The following KCNIP3 variants were observed in gnomAD, a reference collection of about 807,000 sequenced individuals.
KCNIP3 encodes calsenilin.
In KCNIP3, 28 loss-of-function variants were observed where a neutral mutation model predicts 35.0. The ratio of observed to expected loss-of-function variants is 0.80; its 90% CI spans 0.59 to 1.10. KCNIP3 has a LOEUF of 1.10. KCNIP3 is among the 50% of genes least tolerant of loss of function. The pLI, the probability that KCNIP3 is intolerant of heterozygous loss-of-function variation, is 0.00. For synonymous variants in KCNIP3, 134 were observed against 133.8 expected (o/e 1.00, Z -0.01); for missense variants, 295 against 338.4 (o/e 0.87, Z 1.01).
chr2:95,367,792 G>A (rs1210803374), intron 2 of KCNIP3, among the ~76,000 whole-genome samples: 3 of 135,782 alleles, frequency 2.2e-5, no homozygotes, highest in African/African-American at 2.8e-5. Context: ...ATGGAGTCTC[G>A]CTCTTGTTTC....
rs1680492164 is a variant in KCNIP3 at position 95,385,926 on chromosome 2, G to A, written c.*1877G>A. 1 of 152,534 alleles carries A rather than the reference G, an allele frequency of 6.6e-6. No individual in the cohort carries two copies. Among genetic ancestry groups the A allele is most frequent in the Non-Finnish European group, 1.5e-5 (1 of 68,124 alleles). 9.4% of individuals were successfully genotyped at this position (152,534 alleles called of 1,614,324 possible). On this transcript the variant is annotated 3_prime_UTR_variant, in exon 9 of 9. Coordinates refer to ENST00000295225, the MANE Select transcript of KCNIP3 (RefSeq NM_013434.5). ...GACTGGCTGCACAGCCCAACCAGGA[G>A]GGGTCTGCCTCCCACGCTGGGACAC...
At chr2:95,325,812 TAC>T (rs1301793559) in intron 2 of KCNIP3, among the ~76,000 whole-genome samples, 7 of 140,380 alleles carry the variant, frequency 5.0e-5, no homozygotes, top group Non-Finnish European at 6.2e-5. Flanking sequence ...CATACACTCA[TAC>T]ACACATACAC....
intron 2 of KCNIP3, among the ~76,000 whole-genome samples, chr2:95,342,089 G>C (rs931955801): frequency 6.6e-6 from 1 of 152,182 alleles, no homozygotes; most frequent in Non-Finnish European, 1.5e-5. Context: ...GTTCACGGAA[G>C]AGCATGTGCG....
intron 2 of KCNIP3, among the ~76,000 whole-genome samples, chr2:95,321,533 T>C (rs554454641): frequency 1.3e-5 from 2 of 152,294 alleles, no homozygotes; most frequent in South Asian, 4.1e-4. Flanking sequence ...TGGCTTGAAT[T>C]GACACAGCGT....
chr2:95,383,381 C>T, intron 8 of KCNIP3, 87 bp downstream of exon 8: 1 of 1,292,884 alleles, frequency 7.7e-7, no homozygotes, highest in Non-Finnish European at 1.1e-6. Context: ...TTCCCTCACC[C>T]CAGTCCCACC....
chr2:95,307,233 C>G (rs889315136), intron 1 of KCNIP3, among the ~76,000 whole-genome samples: 1 of 152,220 alleles, frequency 6.6e-6, no homozygotes, highest in African/African-American at 2.4e-5. Context: ...AAAAGACACA[C>G]TGGGGCCCCC....
At chr2:95,340,708 T>A (rs1679177040) in intron 2 of KCNIP3, among the ~76,000 whole-genome samples, 1 of 152,182 alleles carries the variant, frequency 6.6e-6, no homozygotes, top group African/African-American at 2.4e-5. Context: ...TTGGACAGTA[T>A]CATGTCAGAA....
At chr2:95,319,920 C>A (rs1447575529) in intron 2 of KCNIP3, among the ~76,000 whole-genome samples, 4 of 152,174 alleles carry the variant, frequency 2.6e-5, no homozygotes, top group Non-Finnish European at 5.9e-5. Flanking sequence ...CCGTTGAGCC[C>A]CATCTCAGAA....
At chr2:95,364,463 TG>T (rs1679872085) in intron 2 of KCNIP3, among the ~76,000 whole-genome samples, 1 of 152,116 alleles carries the variant, frequency 6.6e-6, no homozygotes, top group South Asian at 2.1e-4. Context: ...TTTTCTGATA[TG>T]GTTTGGATGT....
intron 2 of KCNIP3, among the ~76,000 whole-genome samples, chr2:95,363,900 G>T (rs1397027852): frequency 1.3e-5 from 2 of 152,106 alleles, no homozygotes; most frequent in Non-Finnish European, 2.9e-5. Flanking sequence ...CTTATATCTG[G>T]CAACCTTACT....
intron 2 of KCNIP3, among the ~76,000 whole-genome samples, chr2:95,345,840 AC>A (rs2104263952): frequency 6.6e-6 from 1 of 152,226 alleles, no homozygotes; most frequent in South Asian, 2.1e-4. Flanking sequence ...CCTCTACCAG[AC>A]CCGGCAGGAA....
chr2:95,375,881 T>A (rs1434082028), intron 5 of KCNIP3, among the ~76,000 whole-genome samples: 1 of 152,230 alleles, frequency 6.6e-6, no homozygotes, highest in Non-Finnish European at 1.5e-5. Flanking sequence ...AAAACCTTTC[T>A]GAGAGCCGGC....
chr2:95,328,784 G>C (rs1469404858), intron 2 of KCNIP3, among the ~76,000 whole-genome samples: 1 of 152,266 alleles, frequency 6.6e-6, no homozygotes, highest in Non-Finnish European at 1.5e-5. Context: ...CTTGGGGTGG[G>C]GAAGAGTGTG....
At chr2:95,375,760 TG>T (rs1680169169) in intron 5 of KCNIP3, among the ~76,000 whole-genome samples, 1 of 152,080 alleles carries the variant, frequency 6.6e-6, no homozygotes, top group African/African-American at 2.4e-5. Flanking sequence ...GGTCCTGGCC[TG>T]GGCTCCTCCC....
intron 2 of KCNIP3, among the ~76,000 whole-genome samples, chr2:95,321,478 C>T (rs1361332691): frequency 2.6e-5 from 4 of 152,130 alleles, no homozygotes; most frequent in Non-Finnish European, 4.4e-5. Flanking sequence ...GGGCACCCGA[C>T]GGAGGCAGCA....
chr2:95,343,879 G>C (rs1200514296), intron 2 of KCNIP3, among the ~76,000 whole-genome samples: 1 of 152,108 alleles, frequency 6.6e-6, no homozygotes, highest in Admixed American at 6.5e-5. Context: ...GTCCAGGTTT[G>C]GAGTGACCCC....
chr2:95,348,257 C>T (rs1390585329), intron 2 of KCNIP3, among the ~76,000 whole-genome samples: 4 of 152,202 alleles, frequency 2.6e-5, no homozygotes, highest in Non-Finnish European at 5.9e-5. Flanking sequence ...GCTGGGCCTT[C>T]GCTCGGCCGG....
chr2:95,368,663 C>A, intron 2 of KCNIP3: 1 of 302,844 alleles, frequency 3.3e-6, no homozygotes, highest in South Asian at 6.2e-5. Flanking sequence ...CATACTCTAC[C>A]AGTGTACAGT....
In KCNIP3 at chr2:95,338,735, A is replaced by G. The variant is rs534411643; in HGVS notation, c.181+28215A>G. ...GGAAGAAGGAGAGAGGTGACGTGAA[A>G]TCAGCAACCAGAAGTCTCTGTCTGC... On this transcript the variant is annotated intron_variant, in intron 2 of 8. Transcript: ENST00000295225. Among the ~76,000 whole-genome samples, 21 of 152,346 alleles carry G rather than the reference A, an allele frequency of 1.4e-4. No individual in the cohort carries two copies. The South Asian group carries it at 4.4e-3, about 32-fold the overall frequency.
Sources: allele counts gnomAD v4.1 joint callset (sites outside exome capture counted in the v4.1 genomes callset), GRCh38; gene constraint gnomAD v4.1.1; transcripts MANE v1.5; gene names NCBI Gene and HGNC (gene_info 2026-07-23, HGNC 2026-07-21).